Variants in DDX60L observed in about 807,000 individuals in gnomAD.
The protein encoded by DDX60L is DExD/H-box 60 like.
In DDX60L, 191 loss-of-function variants were observed where a neutral mutation model predicts 211.6. The observed-to-expected ratio is 0.90, with a 90% CI of 0.80 to 1.02. The LOEUF is 1.02. DDX60L is among the 50% of genes least tolerant of loss of function. The pLI, the probability that DDX60L is intolerant of heterozygous loss-of-function variation, is 0.00. For synonymous variants in DDX60L, 706 were observed against 694.1 expected, an observed-to-expected ratio of 1.02 and a Z score of -0.27; for missense variants, 2,007 against 1,984.1, an observed-to-expected ratio of 1.01 and a Z score of -0.22.
intron 9 of DDX60L, among the ~76,000 whole-genome samples, chr4:168,443,656 C>T (rs1754295180): frequency 6.6e-6 from 1 of 151,016 alleles, no homozygotes; most frequent in Admixed American, 6.6e-5. Flanking sequence ...AAAGGGAAGC[C>T]CATCAGACTA....
At chr4:168,394,736 GC>G (rs2149740811) in intron 27 of DDX60L, 119 bp from the exon 28 acceptor site, 1 of 880,336 alleles carries the variant, frequency 1.1e-6, no homozygotes, top group South Asian at 1.9e-5. Context: ...CAGTGAGGCT[GC>G]CCTTTGACCC....
intron 37 of DDX60L, among the ~76,000 whole-genome samples, chr4:168,359,866 G>C (rs1009457122): frequency 1.3e-5 from 2 of 151,990 alleles, no homozygotes; most frequent in Non-Finnish European, 2.9e-5. Flanking sequence ...CATTAGCTTG[G>C]GGCCTATCCC....
At position 168,371,732 on chromosome 4, in the gene DDX60L, G is replaced by A. The variant is rs1203526334; in HGVS notation, c.4808C>T (p.Thr1603Ile). 6.2e-7 allele frequency: 1 copy of A among 1,610,584 alleles called. No individual in the cohort carries two copies. The highest frequency in any genetic ancestry group is 2.2e-5 in the East Asian group (1 of 44,864). ...CCATGGCCACAGCAGAGGAGCCTGA[G>A]TGCCACTAACACCGACTGTGCGCAG... Reference protein sequence around the residue: ...VILRTVGVSGTQAPLLWPWKL... With the variant: ...VILRTVGVSGIQAPLLWPWKL... Residue 1603 changes from threonine (T) to isoleucine (I), a missense_variant, in exon 36 of 38, where the codon ACT becomes ATT. Thr to Ile is a moderately conservative substitution (Grantham distance 89). Transcript: ENST00000682922.
At chr4:168,440,174 A>G (rs1753622498) in intron 10 of DDX60L, among the ~76,000 whole-genome samples, 1 of 152,292 alleles carries the variant, frequency 6.6e-6, no homozygotes, top group East Asian at 1.9e-4. Flanking sequence ...ACAGTGAGCT[A>G]TGATGGTGTC....
chr4:168,477,308 A>T (rs916266368), intron 1 of DDX60L, among the ~76,000 whole-genome samples: 3 of 152,028 alleles, frequency 2.0e-5, no homozygotes, highest in Non-Finnish European at 4.4e-5. Flanking sequence ...CCGGCTACTC[A>T]GGAGGCTGAG....
intron 1 of DDX60L, among the ~76,000 whole-genome samples, chr4:168,473,094 A>G (rs982362479): frequency 1.3e-5 from 2 of 152,224 alleles, no homozygotes; most frequent in Non-Finnish European, 2.9e-5. Flanking sequence ...GGCAAACAGA[A>G]CAGCATGTGC....
chr4:168,430,196 T>C (rs1752130797), intron 13 of DDX60L, among the ~76,000 whole-genome samples: 1 of 151,804 alleles, frequency 6.6e-6, no homozygotes, highest in African/African-American at 2.4e-5. Context: ...CGAAACTCCA[T>C]CTCAGAAAAG....
intron 5 of DDX60L, among the ~76,000 whole-genome samples, chr4:168,458,930 AT>A (rs1371277596): frequency 6.6e-6 from 1 of 152,142 alleles, no homozygotes; most frequent in African/African-American, 2.4e-5. Context: ...AAACATGCAT[AT>A]TTCCTCTTTG....
intron 10 of DDX60L, among the ~76,000 whole-genome samples, chr4:168,433,355 G>A (rs949381104): frequency 6.6e-6 from 1 of 151,880 alleles, no homozygotes; most frequent in Non-Finnish European, 1.5e-5. Flanking sequence ...TCACTAGATA[G>A]ACAAACATGT....
chr4:168,434,133 G>C (rs947226035), intron 10 of DDX60L, among the ~76,000 whole-genome samples: 12 of 151,972 alleles, frequency 7.9e-5, no homozygotes, highest in Non-Finnish European at 1.5e-4. Flanking sequence ...TGTGTGTGTT[G>C]TGTGTGCATA....
intron 36 of DDX60L, among the ~76,000 whole-genome samples, chr4:168,365,647 G>A (rs1183026368): frequency 2.0e-5 from 3 of 151,858 alleles, no homozygotes; most frequent in Non-Finnish European, 4.4e-5. Context: ...AATTTAAGAG[G>A]AGGGACTACT....
At chr4:168,358,597 A>C (rs1202539618) in intron 37 of DDX60L, among the ~76,000 whole-genome samples, 1 of 133,906 alleles carries the variant, frequency 7.5e-6, no homozygotes, top group African/African-American at 2.8e-5. Flanking sequence ...GCGTGATCTG[A>C]TCTCGGCTCA....
chr4:168,455,650 C>T (rs894190017), intron 7 of DDX60L, among the ~76,000 whole-genome samples: 1 of 152,064 alleles, frequency 6.6e-6, no homozygotes, highest in Non-Finnish European at 1.5e-5. Context: ...AACACAAAGA[C>T]CCTGAAACAC....
chr4:168,413,768 T>G (rs1023257979), intron 22 of DDX60L, among the ~76,000 whole-genome samples: 1 of 152,086 alleles, frequency 6.6e-6, no homozygotes, highest in African/African-American at 2.4e-5. Flanking sequence ...AATCTAAGAT[T>G]TATTGGCCTT....
chr4:168,456,551 T>C (rs1756595751), intron 6 of DDX60L, among the ~76,000 whole-genome samples: 1 of 152,108 alleles, frequency 6.6e-6, no homozygotes, highest in Non-Finnish European at 1.5e-5. Flanking sequence ...TAAAATAATA[T>C]CACACAACAT....
chr4:168,472,375 A>ATGT (rs1758905926), intron 3 of DDX60L, 80 bp downstream of exon 3: 1 of 1,031,490 alleles, frequency 9.7e-7, no homozygotes, highest in Non-Finnish European at 1.4e-6. Context: ...GATCATGTAT[A>ATGT]TGTATATGGG....
At chr4:168,420,966 A>G (rs1193634768) in intron 17 of DDX60L, among the ~76,000 whole-genome samples, 2 of 152,154 alleles carry the variant, frequency 1.3e-5, no homozygotes, top group Non-Finnish European at 2.9e-5. Context: ...CTATAATTAT[A>G]TAAAAAGATG....
chr4:168,403,824 C>A (rs1171856108), intron 25 of DDX60L, among the ~76,000 whole-genome samples, 158 bp downstream of exon 25: 2 of 151,996 alleles, frequency 1.3e-5, no homozygotes, highest in African/African-American at 4.8e-5. Context: ...TGACCCATTT[C>A]TTTAAAAATA....
At chr4:168,459,417 A>G (rs114487918) in intron 5 of DDX60L, among the ~76,000 whole-genome samples, 8,419 of 152,164 alleles carry the variant, frequency 0.055, 758 homozygotes, top group African/African-American at 0.19. Flanking sequence ...TTCAGGCAAA[A>G]TAGAGACTTA....
Sources: allele counts gnomAD v4.1 joint callset (sites outside exome capture counted in the v4.1 genomes callset), GRCh38; gene constraint gnomAD v4.1.1; transcripts MANE v1.5; gene names NCBI Gene and HGNC (gene_info 2026-07-23, HGNC 2026-07-21).